FCHSD2: variants seen among roughly 807,000 people sequenced by gnomAD.
FCHSD2 encodes F-BAR and double SH3 domains protein 2.
Under a neutral mutation model 108.1 loss-of-function variants are expected in FCHSD2, and 38 were observed. That is an observed-to-expected ratio of 0.35 (90% CI 0.27 to 0.46). The LOEUF (loss-of-function observed/expected upper bound fraction) is 0.46. Ranked by LOEUF, FCHSD2 falls within the 20% of genes least tolerant of loss-of-function variation. The pLI, the probability that FCHSD2 is intolerant of heterozygous loss-of-function variation, is 1.00. For synonymous variants in FCHSD2, 279 were observed against 314.7 expected (o/e 0.89, Z 1.20); for missense variants, 751 against 897.8 (o/e 0.84, Z 2.09).
chr11:73,083,568 AAAC>A (rs1330677214), intron 3 of FCHSD2, 124 bp downstream of exon 3: 3 of 642,354 alleles, frequency 4.7e-6, no homozygotes, highest in Admixed American at 3.0e-5. Context: ...AAAAAAAAAA[AAAC>A]AAGAAAGAAA....
chr11:72,935,669 T>C (rs772422096), intron 8 of FCHSD2, among the ~76,000 whole-genome samples: 8 of 152,252 alleles, frequency 5.3e-5, no homozygotes, highest in Non-Finnish European at 1.0e-4. Flanking sequence ...GTATTTACAT[T>C]ACTGTAAATA....
chr11:73,085,196 C>T (rs1859786888), intron 2 of FCHSD2, among the ~76,000 whole-genome samples: 1 of 151,972 alleles, frequency 6.6e-6, no homozygotes, highest in Non-Finnish European at 1.5e-5. Flanking sequence ...CTTCAAATGG[C>T]CAATACAATA....
In FCHSD2 at chr11:73,081,688, G is replaced by A. The variant is rs76212699; in HGVS notation, c.165+2007C>T. Among the ~76,000 whole-genome samples, 985 of 151,916 alleles carry A rather than the reference G, an allele frequency of 6.5e-3. 19 individuals carry two copies. The highest frequency in any genetic ancestry group is 0.022 in the African/African-American group (923 of 41,438). On this transcript the variant is annotated intron_variant, in intron 3 of 19. Transcript: ENST00000409418. ...ATTACAAGCATGTGCCACTGCACTT[G>A]GCTAAAATAGCGTATCACAGACTTT... is the stretch of plus-strand genomic sequence containing the variant.
chr11:73,038,160 AAGG>A (rs1434985546), intron 3 of FCHSD2, among the ~76,000 whole-genome samples: 4 of 152,050 alleles, frequency 2.6e-5, no homozygotes, highest in African/African-American at 7.2e-5. Flanking sequence ...CCTAGGCAAC[AAGG>A]AGATCTGTCT....
intron 4 of FCHSD2, among the ~76,000 whole-genome samples, chr11:73,007,518 G>A (rs1273957714): frequency 6.6e-6 from 1 of 152,078 alleles, no homozygotes; most frequent in African/African-American, 2.4e-5. Context: ...GAGGTGATGT[G>A]GAAGGATCAC....
intron 3 of FCHSD2, among the ~76,000 whole-genome samples, chr11:73,028,216 T>C (rs1416155035): frequency 6.6e-6 from 1 of 152,154 alleles, no homozygotes; most frequent in Non-Finnish European, 1.5e-5. Flanking sequence ...CCTGTGAAAG[T>C]AGCTGCAGGT....
chr11:72,914,879 C>T (rs912160198), intron 9 of FCHSD2, among the ~76,000 whole-genome samples: 20 of 148,542 alleles, frequency 1.3e-4, no homozygotes, highest in African/African-American at 5.0e-4. Context: ...CAAAAATTGA[C>T]AAATGGGATC....
At chr11:72,992,872 G>A (rs928861198) in intron 5 of FCHSD2, among the ~76,000 whole-genome samples, 6 of 150,890 alleles carry the variant, frequency 4.0e-5, no homozygotes, top group Non-Finnish European at 5.9e-5. Flanking sequence ...TCTAAAACAC[G>A]AAAAGCAATG....
intron 8 of FCHSD2, among the ~76,000 whole-genome samples, chr11:72,962,878 CAGTGG>C (rs1856842828): frequency 6.6e-6 from 1 of 151,982 alleles, no homozygotes; most frequent in African/African-American, 2.4e-5. Context: ...CAGCAGGCAT[CAGTGG>C]AAGTGACTCT....
intron 2 of FCHSD2, among the ~76,000 whole-genome samples, chr11:73,109,387 C>T (rs930074892): frequency 1.3e-5 from 2 of 152,146 alleles, no homozygotes; most frequent in Non-Finnish European, 2.9e-5. Context: ...TTTGTGTCCT[C>T]TTCAATTTCT....
intron 13 of FCHSD2, among the ~76,000 whole-genome samples, chr11:72,852,069 G>T (rs1198969562): frequency 6.6e-6 from 1 of 150,504 alleles, no homozygotes; most frequent in Non-Finnish European, 1.5e-5. Context: ...TTTTTTTTTT[G>T]GTAGATAAGG....
chr11:73,121,106 T>A (rs1860724201), intron 2 of FCHSD2, among the ~76,000 whole-genome samples: 2 of 152,050 alleles, frequency 1.3e-5, no homozygotes, highest in African/African-American at 4.8e-5. Flanking sequence ...CCTAATTTAC[T>A]CAACTTCCTT....
At chr11:73,137,215 A>G (rs1299455287) in intron 2 of FCHSD2, among the ~76,000 whole-genome samples, 1 of 152,180 alleles carries the variant, frequency 6.6e-6, no homozygotes, top group Non-Finnish European at 1.5e-5. Context: ...AAAGCAAATC[A>G]GAAACCTAAA....
chr11:72,854,050 T>C (rs1368622621), intron 13 of FCHSD2, among the ~76,000 whole-genome samples: 2 of 152,202 alleles, frequency 1.3e-5, no homozygotes, highest in Non-Finnish European at 2.9e-5. Context: ...GATGCTGTTA[T>C]ATATATTTTT....
intron 3 of FCHSD2, among the ~76,000 whole-genome samples, chr11:73,077,193 A>AATG (rs946248120): frequency 1.3e-5 from 2 of 151,910 alleles, no homozygotes; most frequent in Admixed American, 1.3e-4. Context: ...CTTTAATAAT[A>AATG]ATGTTTCTTT....
chr11:72,941,216 G>A, intron 8 of FCHSD2: 1 of 270,702 alleles, frequency 3.7e-6, no homozygotes, highest in Non-Finnish European at 7.1e-6. Flanking sequence ...GGGACCAGAG[G>A]CCACATGAGT....
intron 8 of FCHSD2, among the ~76,000 whole-genome samples, chr11:72,948,232 T>C (rs1418516260): frequency 6.6e-6 from 1 of 152,202 alleles, no homozygotes; most frequent in Non-Finnish European, 1.5e-5. Flanking sequence ...GGTCTTGAAC[T>C]CCTGGACTCA....
At chr11:72,994,013 CTA>C (rs1857473691) in intron 5 of FCHSD2, among the ~76,000 whole-genome samples, 1 of 152,152 alleles carries the variant, frequency 6.6e-6, no homozygotes, top group Non-Finnish European at 1.5e-5. Flanking sequence ...GAAGCTCTGT[CTA>C]TAGAGTTGTT....
intron 2 of FCHSD2, among the ~76,000 whole-genome samples, chr11:73,091,837 C>T (rs545774448): frequency 5.9e-5 from 9 of 152,000 alleles, no homozygotes; most frequent in Non-Finnish European, 1.5e-5. Flanking sequence ...GTCAGAAGTT[C>T]GTGACTAGCC....
Sources: gnomAD v4.1 joint callset for allele counts (sites outside exome capture counted in the v4.1 genomes callset) on GRCh38, gnomAD v4.1.1 for gene constraint, MANE v1.5 for transcripts, NCBI Gene and HGNC (gene_info 2026-07-23, HGNC 2026-07-21) for gene names.